The following ERBB4 variants were observed in gnomAD, a reference collection of about 807,000 sequenced individuals.
ERBB4 encodes erb-b2 receptor tyrosine kinase 4.
ERBB4 carries 42 observed loss-of-function variants against 158.0 expected under a neutral mutation model. The observed-to-expected ratio is 0.27, with a 90% confidence interval of 0.21 to 0.34. The LOEUF is 0.34. Ranked by LOEUF, ERBB4 falls within the 10% of genes least tolerant of loss-of-function variation. The pLI, the probability that ERBB4 is intolerant of heterozygous loss-of-function variation, is 1.00. For missense variants in ERBB4, 1,333 were observed against 1,624.1 expected (o/e 0.82, Z 3.08); for synonymous variants, 583 against 558.7 (o/e 1.04, Z -0.61).
chr2:212,279,018 G>T (rs188734914), intron 1 of ERBB4, among the ~76,000 whole-genome samples: 3 of 151,550 alleles, frequency 2.0e-5, no homozygotes, highest in Non-Finnish European at 3.0e-5. Flanking sequence ...GTTAGGAAAG[G>T]ATTTTAAAAT....
At chr2:211,648,044 G>T (rs1304320719) in intron 16 of ERBB4, among the ~76,000 whole-genome samples, 1 of 151,638 alleles carries the variant, frequency 6.6e-6, no homozygotes, top group Non-Finnish European at 1.5e-5. Context: ...TTAATGTAAT[G>T]AATTTAAATA....
At chr2:212,457,828 A>G (rs1688375575) in intron 1 of ERBB4, among the ~76,000 whole-genome samples, 1 of 152,054 alleles carries the variant, frequency 6.6e-6, no homozygotes, top group Non-Finnish European at 1.5e-5. Context: ...TCCTGGAATC[A>G]GAGTAAAGTC....
intron 2 of ERBB4, among the ~76,000 whole-genome samples, chr2:211,974,695 C>T (rs749103783): frequency 1.9e-4 from 29 of 152,160 alleles, no homozygotes; most frequent in Non-Finnish European, 4.0e-4. Context: ...GCAGAGGCTG[C>T]AGTGAGCCAA....
intron 3 of ERBB4, among the ~76,000 whole-genome samples, chr2:211,824,560 G>T (rs1212759744): frequency 6.6e-6 from 1 of 151,834 alleles, no homozygotes; most frequent in Non-Finnish European, 1.5e-5. Flanking sequence ...TGAGAAAAAC[G>T]AAATGCTACT....
intron 19 of ERBB4, among the ~76,000 whole-genome samples, chr2:211,570,325 CT>C (rs769458178): frequency 5.0e-4 from 53 of 105,216 alleles, no homozygotes; most frequent in African/African-American, 1.5e-3. Flanking sequence ...CTAATTTTTG[CT>C]TTTTTTTTTT....
rs2069735656 is a variant in ERBB4, at chr2:211,623,979, T to C, written c.2145A>G (p.Glu715=). The change falls in exon 18 of 28, where the codon GAA becomes GAG. Residue 715 remains glutamate (E), a synonymous_variant. Transcript: ENST00000342788. ...GGACTTTTACCCTCTTCAGCTCAGT[T>C]TCTTTCAAAATACGAAGTTGAGCTT... is the stretch of plus-strand genomic sequence containing the variant. ...PNQAQLRILK[E]TELKRVKVLG... 1.2e-6 allele frequency: 2 copies of C among 1,614,156 alleles called. No homozygotes were observed. Among genetic ancestry groups the C allele is most frequent in the Non-Finnish European group, 8.5e-7 (1 of 1,180,014 alleles).
rs538637186 is a variant in ERBB4, at chr2:212,516,762, G to A, written c.82+21687C>T. On this transcript the variant is annotated intron_variant, in intron 1 of 27. Transcript: ENST00000342788. ...ATGTATTAAACTCTATACTCTTGAC[G>A]TCCCATATAGATTCAAATCATTGAA... 1.2e-4 allele frequency among the ~76,000 whole-genome samples: 18 copies of A among 152,132 alleles called. No homozygotes were observed. In the East Asian group the frequency reaches 1.5e-3, roughly 13 times the overall value.
chr2:211,940,668 G>A (rs1456799865), intron 3 of ERBB4, among the ~76,000 whole-genome samples: 2 of 152,116 alleles, frequency 1.3e-5, no homozygotes, highest in South Asian at 4.1e-4. Flanking sequence ...TAAGGGAGCT[G>A]AATTATATGC....
At chr2:211,748,406 A>T (rs1212310542) in intron 5 of ERBB4, among the ~76,000 whole-genome samples, 1 of 152,210 alleles carries the variant, frequency 6.6e-6, no homozygotes, top group Non-Finnish European at 1.5e-5. Context: ...CGCAAGAGGC[A>T]ACCAAAGGAG....
At chr2:212,254,613 C>T (rs541379410) in intron 1 of ERBB4, among the ~76,000 whole-genome samples, 1 of 152,098 alleles carries the variant, frequency 6.6e-6, no homozygotes, top group African/African-American at 2.4e-5. Flanking sequence ...CACCATTCCC[C>T]ACGAATCCGT....
intron 2 of ERBB4, among the ~76,000 whole-genome samples, chr2:212,116,785 T>C (rs2079584451): frequency 6.6e-6 from 1 of 152,178 alleles, no homozygotes; most frequent in African/African-American, 2.4e-5. Flanking sequence ...AAAAAGAAAA[T>C]TTAAAATAAA....
At chr2:212,022,491 A>G (rs2125330494) in intron 2 of ERBB4, among the ~76,000 whole-genome samples, 1 of 152,234 alleles carries the variant, frequency 6.6e-6, no homozygotes, top group East Asian at 1.9e-4. Flanking sequence ...ATGAAAACAC[A>G]TGGACACAGG....
chr2:211,409,773 G>C (rs551722687), intron 25 of ERBB4, among the ~76,000 whole-genome samples: 1 of 152,092 alleles, frequency 6.6e-6, no homozygotes, highest in Admixed American at 6.5e-5. Context: ...AGTTAGACTT[G>C]AGAAACTGAA....
chr2:211,789,562 A>G (rs911118091), intron 3 of ERBB4, among the ~76,000 whole-genome samples: 3 of 152,154 alleles, frequency 2.0e-5, no homozygotes, highest in African/African-American at 7.2e-5. Flanking sequence ...AACTGGCCAG[A>G]ACAATATCCC....
At chr2:212,193,953 T>C (rs1460946953) in intron 1 of ERBB4, among the ~76,000 whole-genome samples, 1 of 152,050 alleles carries the variant, frequency 6.6e-6, no homozygotes, top group African/African-American at 2.4e-5. Flanking sequence ...AGCCACACCA[T>C]TGTTTTGACT....
At chr2:212,103,050 C>G (rs1367504840) in intron 2 of ERBB4, among the ~76,000 whole-genome samples, 2 of 152,086 alleles carry the variant, frequency 1.3e-5, no homozygotes, top group East Asian at 1.9e-4. Context: ...CTCCATCAAT[C>G]CATCTCTCCA....
chr2:212,225,019 A>G (rs1170832740), intron 1 of ERBB4, among the ~76,000 whole-genome samples: 1 of 152,020 alleles, frequency 6.6e-6, no homozygotes, highest in Non-Finnish European at 1.5e-5. Flanking sequence ...TTTTTCCTGA[A>G]CCATTTTTTA....
At chr2:212,052,780 G>A (rs79837222) in intron 2 of ERBB4, among the ~76,000 whole-genome samples, 8 of 152,044 alleles carry the variant, frequency 5.3e-5, no homozygotes, top group East Asian at 1.9e-4. Flanking sequence ...TACTACTCCC[G>A]TACCCCTCCC....
chr2:211,433,140 A>G (rs1218525085), intron 20 of ERBB4, among the ~76,000 whole-genome samples: 1 of 152,240 alleles, frequency 6.6e-6, no homozygotes, highest in Non-Finnish European at 1.5e-5. Context: ...TTTTTAAAGC[A>G]TAATGTATGA....
Sources: allele counts gnomAD v4.1 joint callset (sites outside exome capture counted in the v4.1 genomes callset), GRCh38; gene constraint gnomAD v4.1.1; transcripts MANE v1.5; gene names NCBI Gene and HGNC (gene_info 2026-07-23, HGNC 2026-07-21).